Variants in LPIN2 observed in about 807,000 individuals in gnomAD.
LPIN2 encodes phosphatidate phosphatase LPIN2.
LPIN2 carries 55 observed loss-of-function variants against 111.4 expected under a neutral mutation model. That is an observed-to-expected ratio of 0.49 (90% CI 0.40 to 0.62). The LOEUF is 0.62. LPIN2 is among the 20% of genes least tolerant of loss of function. The pLI, the probability that LPIN2 is intolerant of heterozygous loss-of-function variation, is 0.00. For synonymous variants in LPIN2, 425 were observed against 414.0 expected (o/e 1.03, Z -0.32); for missense variants, 992 against 1,112.1 (o/e 0.89, Z 1.54).
chr18:2,989,944 A>C (rs1292170490), intron 1 of LPIN2, among the ~76,000 whole-genome samples: 1 of 152,038 alleles, frequency 6.6e-6, no homozygotes, highest in Non-Finnish European at 1.5e-5. Flanking sequence ...AAATTACAGT[A>C]ATCAAAACAT....
At chr18:2,947,566 C>T (rs571613509) in intron 4 of LPIN2, among the ~76,000 whole-genome samples, 1 of 152,330 alleles carries the variant, frequency 6.6e-6, no homozygotes, top group South Asian at 2.1e-4. Context: ...TTCCCTCTTC[C>T]ATCTGCCTCC....
chr18:2,969,992 A>G (rs2077880021), intron 1 of LPIN2, among the ~76,000 whole-genome samples: 1 of 152,244 alleles, frequency 6.6e-6, no homozygotes, highest in African/African-American at 2.4e-5. Context: ...TTTTAATGAC[A>G]GCTGACCTGA....
chr18:3,004,732 G>A (rs2078485938), intron 1 of LPIN2, among the ~76,000 whole-genome samples: 1 of 152,180 alleles, frequency 6.6e-6, no homozygotes, highest in Non-Finnish European at 1.5e-5. Context: ...CTTCCTATCA[G>A]GATGAGCCCG....
At chr18:3,001,715 C>T (rs1050077496) in intron 1 of LPIN2, among the ~76,000 whole-genome samples, 2 of 152,126 alleles carry the variant, frequency 1.3e-5, no homozygotes, top group Non-Finnish European at 2.9e-5. Flanking sequence ...GAGCAGTAAT[C>T]AGCTGTGAGA....
intron 1 of LPIN2, among the ~76,000 whole-genome samples, chr18:2,962,739 G>A (rs2077732386): frequency 6.6e-6 from 1 of 151,932 alleles, no homozygotes; most frequent in African/African-American, 2.4e-5. Flanking sequence ...GCACACACAT[G>A]AATTAAACAG....
intron 1 of LPIN2, among the ~76,000 whole-genome samples, chr18:2,968,111 T>C (rs1479662450): frequency 3.3e-5 from 5 of 152,194 alleles, no homozygotes; most frequent in Non-Finnish European, 7.3e-5. Context: ...CCCAGCAGTG[T>C]AGGGCGACTG....
At chr18:2,952,585 G>C (rs951392431) in intron 3 of LPIN2, among the ~76,000 whole-genome samples, 2 of 152,094 alleles carry the variant, frequency 1.3e-5, no homozygotes, top group African/African-American at 4.8e-5. Flanking sequence ...GATTTAGCTA[G>C]GAGAAATCTG....
intron 1 of LPIN2, among the ~76,000 whole-genome samples, chr18:2,974,834 A>AT (rs1472267656): frequency 2.6e-5 from 4 of 152,124 alleles, no homozygotes; most frequent in Non-Finnish European, 2.9e-5. Context: ...TCTACAGAGA[A>AT]TTTTTTTAAA....
At chr18:2,932,042 TTA>T (rs2077219069) in intron 8 of LPIN2, among the ~76,000 whole-genome samples, 1 of 152,216 alleles carries the variant, frequency 6.6e-6, no homozygotes, top group Admixed American at 6.5e-5. Flanking sequence ...GATGTAACTG[TTA>T]TTCCAGGAGC....
At chr18:2,975,728 A>C in intron 1 of LPIN2, among the ~76,000 whole-genome samples, 1 of 152,196 alleles carries the variant, frequency 6.6e-6, no homozygotes, top group African/African-American at 2.4e-5. Flanking sequence ...TTGTGTAGTA[A>C]ACCTATTTTG....
chr18:2,921,043 A>T (rs1488701573), intron 18 of LPIN2, 162 bp from the exon 19 acceptor site: 1 of 687,586 alleles, frequency 1.5e-6, no homozygotes, highest in Non-Finnish European at 2.6e-6. Context: ...AGACAAACCT[A>T]AACTACAGAG....
intron 1 of LPIN2, among the ~76,000 whole-genome samples, chr18:2,987,994 C>G (rs2078210942): frequency 8.8e-6 from 1 of 113,088 alleles, no homozygotes; most frequent in Non-Finnish European, 1.6e-5. Flanking sequence ...GCCTGGGCGA[C>G]AGAGTGAGAG....
At chr18:2,958,013 G>C (rs9946437) in intron 2 of LPIN2, among the ~76,000 whole-genome samples, 17 of 150,874 alleles carry the variant, frequency 1.1e-4, no homozygotes, top group Non-Finnish European at 1.6e-4. Flanking sequence ...GTGGTAGCAC[G>C]CGCCTATAAT....
At chr18:2,956,025 A>G (rs2077607050) in intron 2 of LPIN2, among the ~76,000 whole-genome samples, 1 of 152,250 alleles carries the variant, frequency 6.6e-6, no homozygotes. Flanking sequence ...CCTTGGAAAC[A>G]GTATTTTGAC....
intron 1 of LPIN2, among the ~76,000 whole-genome samples, chr18:2,976,254 C>T (rs2078013618): frequency 6.6e-6 from 1 of 152,208 alleles, no homozygotes. Flanking sequence ...GTCTCTCAAC[C>T]TGTACCATAT....
At chr18:2,974,975 G>C (rs2077986676) in intron 1 of LPIN2, among the ~76,000 whole-genome samples, 2 of 152,164 alleles carry the variant, frequency 1.3e-5, no homozygotes, top group Admixed American at 6.5e-5. Context: ...CTCCAGCCTA[G>C]GCAACAGAGC....
intron 1 of LPIN2, among the ~76,000 whole-genome samples, chr18:2,961,069 G>T (rs1022629654): frequency 1.3e-5 from 2 of 152,008 alleles, no homozygotes; most frequent in African/African-American, 4.8e-5. Context: ...CTGAGAGGCT[G>T]CTCCAGCCAG....
rs1216624196 is a variant in LPIN2, at chr18:2,919,446, T to G, written c.*847A>C. ...GGCAGCAAGCAGAGGGATTCAGCGC[T>G]CTTCCCAGGACCCCACTCAACCGCC... On this transcript the variant is annotated 3_prime_UTR_variant, in exon 20 of 20. Coordinates refer to ENST00000677752, the MANE Select transcript of LPIN2 (RefSeq NM_001375808.2). 1 of 152,226 alleles carries G rather than the reference T, an allele frequency of 6.6e-6. No individual in the cohort carries two copies. Among genetic ancestry groups the G allele is most frequent in the Non-Finnish European group, 1.5e-5 (1 of 68,090 alleles). The allele number at this position is 152,226 out of a possible 1,614,324, so 9.4% of individuals were successfully genotyped here. A position where few individuals can be genotyped will look rare whatever the true frequency, so the allele number is the denominator to read the frequency against.
At chr18:2,971,222 G>GT (rs1598584600) in intron 1 of LPIN2, among the ~76,000 whole-genome samples, 1 of 152,140 alleles carries the variant, frequency 6.6e-6, no homozygotes, top group South Asian at 2.1e-4. Context: ...CTGGTATTTC[G>GT]TAAGAGGAGC....
Sources: allele counts gnomAD v4.1 joint callset (sites outside exome capture counted in the v4.1 genomes callset), GRCh38; gene constraint gnomAD v4.1.1; transcripts MANE v1.5; gene names NCBI Gene and HGNC (gene_info 2026-07-23, HGNC 2026-07-21).